The following PJA2 variants were observed in gnomAD, a reference collection of about 807,000 sequenced individuals.
The protein encoded by PJA2 is praja ring finger ubiquitin ligase 2.
A neutral mutation model predicts 69.3 loss-of-function variants in PJA2; 25 were observed. That is an observed-to-expected ratio of 0.36 (90% CI 0.26 to 0.50). The LOEUF (loss-of-function observed/expected upper bound fraction) is 0.50. PJA2 is among the 20% of genes least tolerant of loss of function. The pLI, the probability that PJA2 is intolerant of heterozygous loss-of-function variation, is 0.96. For synonymous variants in PJA2, 308 were observed against 277.8 expected (o/e 1.11, Z -1.08); for missense variants, 809 against 830.2 (o/e 0.97, Z 0.31).
intron 9 of PJA2, among the ~76,000 whole-genome samples, chr5:109,338,605 C>A (rs1761986329): frequency 6.9e-6 from 1 of 144,144 alleles, no homozygotes. Flanking sequence ...CCATTGCACT[C>A]CAGCCTGGGC....
At chr5:109,352,209 T>C (rs1274750854) in intron 7 of PJA2, among the ~76,000 whole-genome samples, 1 of 152,196 alleles carries the variant, frequency 6.6e-6, no homozygotes, top group African/African-American at 2.4e-5. Flanking sequence ...TCACTGCTAG[T>C]GCCTTTACTT....
intron 7 of PJA2, among the ~76,000 whole-genome samples, chr5:109,346,088 T>C (rs1308383348): frequency 6.6e-6 from 1 of 152,212 alleles, no homozygotes; most frequent in African/African-American, 2.4e-5. Context: ...GTCTCTTCCA[T>C]GAGGCCTATG....
chr5:109,397,052 T>C (rs1389600118), intron 1 of PJA2, among the ~76,000 whole-genome samples: 1 of 152,166 alleles, frequency 6.6e-6, no homozygotes. Flanking sequence ...CCCTCATGAA[T>C]GGACTAGTAC....
intron 6 of PJA2, among the ~76,000 whole-genome samples, chr5:109,356,345 T>A (rs1762412708): frequency 6.6e-6 from 1 of 152,188 alleles, no homozygotes; most frequent in Non-Finnish European, 1.5e-5. Context: ...AGGTTGAGCA[T>A]CCCAAATCTG....
intron 1 of PJA2, among the ~76,000 whole-genome samples, chr5:109,388,657 A>G (rs939758361): frequency 9.9e-5 from 15 of 152,188 alleles, no homozygotes; most frequent in Middle Eastern, 3.2e-3. Flanking sequence ...ACTCACTTTT[A>G]AAGTATCTTT....
intron 1 of PJA2, among the ~76,000 whole-genome samples, chr5:109,395,119 C>T (rs575609257): frequency 6.6e-6 from 1 of 152,314 alleles, no homozygotes; most frequent in East Asian, 1.9e-4. Flanking sequence ...ACCTCACTCT[C>T]AACCCAGGTC....
At chr5:109,373,971 C>A (rs1303235282) in intron 4 of PJA2, among the ~76,000 whole-genome samples, 1 of 152,128 alleles carries the variant, frequency 6.6e-6, no homozygotes, top group Non-Finnish European at 1.5e-5. Flanking sequence ...TGGCATTTAT[C>A]ACAGCCACAA....
chr5:109,337,912 ACTTT>A (rs970182372), intron 9 of PJA2, among the ~76,000 whole-genome samples: 4 of 152,212 alleles, frequency 2.6e-5, no homozygotes, highest in Admixed American at 6.5e-5. Flanking sequence ...TGGACTTCAG[ACTTT>A]CTTTCTAAGC....
At chr5:109,385,399 A>T (rs1747134052) in intron 1 of PJA2, among the ~76,000 whole-genome samples, 1 of 152,250 alleles carries the variant, frequency 6.6e-6, no homozygotes, top group Admixed American at 6.5e-5. Context: ...ATATGAAAGA[A>T]GGTCGAGGTT....
chr5:109,344,918 C>G, intron 7 of PJA2, 99 bp from the exon 8 acceptor site: 1 of 713,838 alleles, frequency 1.4e-6, no homozygotes, highest in Non-Finnish European at 2.3e-6. Context: ...CCATTATTCT[C>G]TTTTTGTTAG....
chr5:109,353,298 A>C (rs1248182571), intron 7 of PJA2, among the ~76,000 whole-genome samples: 1 of 140,692 alleles, frequency 7.1e-6, no homozygotes, highest in Non-Finnish European at 1.5e-5. Context: ...TATATATTAG[A>C]TATCTATAAT....
intron 7 of PJA2, among the ~76,000 whole-genome samples, chr5:109,349,358 G>A (rs1330208178): frequency 1.3e-5 from 2 of 152,170 alleles, no homozygotes; most frequent in Admixed American, 6.5e-5. Flanking sequence ...CACTGCTGGA[G>A]GAAAGGGCCT....
rs1274160537 is a variant in PJA2, at chr5:109,378,634, C to A, written c.853G>T (p.Asp285Tyr). ...QERQTEHSPEDAACGPGHICS... is the reference protein window; with the variant it reads ...QERQTEHSPEYAACGPGHICS... ...ATATGCCCTGGACCACAGGCTGCATCTTCAGGTGAATGTTCTGTCTGTCTT... is the reference window on the plus strand; with the variant it reads ...ATATGCCCTGGACCACAGGCTGCATATTCAGGTGAATGTTCTGTCTGTCTT... The change falls in exon 4 of 10, where the codon GAT (aspartate) becomes TAT (tyrosine). Residue 285 changes from aspartate to tyrosine, a missense_variant. Asp to Tyr is a radical substitution (Grantham distance 160). This residue lies in a region of PJA2 where 700 missense variants were observed against 639.5 expected (regional missense o/e 1.09). Transcript: ENST00000361189. 1 of 1,614,146 alleles carries A rather than the reference C, an allele frequency of 6.2e-7. No individual in the cohort carries two copies. Among genetic ancestry groups the A allele is most frequent in the Non-Finnish European group, 8.5e-7 (1 of 1,180,006 alleles).
At chr5:109,385,519 T>G (rs1193910680) in intron 1 of PJA2, among the ~76,000 whole-genome samples, 1 of 152,206 alleles carries the variant, frequency 6.6e-6, no homozygotes, top group Non-Finnish European at 1.5e-5. Flanking sequence ...AGTTCAGTTT[T>G]GGATGAGTTA....
intron 1 of PJA2, among the ~76,000 whole-genome samples, chr5:109,397,252 AC>A (rs1747435549): frequency 6.6e-6 from 1 of 152,222 alleles, no homozygotes; most frequent in Non-Finnish European, 1.5e-5. Flanking sequence ...TTTATAAATT[AC>A]CCAGTCTTAG....
chr5:109,354,079 A>C (rs62643546), intron 7 of PJA2, among the ~76,000 whole-genome samples: 1 of 106,826 alleles, frequency 9.4e-6, no homozygotes, highest in Admixed American at 9.1e-5. Flanking sequence ...ATATCTATAG[A>C]TTAGATATCT....
At position 109,409,948 on chromosome 5, in the gene PJA2, G is replaced by A. The variant is rs906983686; in HGVS notation, c.-194C>T. 5 of 212,036 alleles carry A rather than the reference G, an allele frequency of 2.4e-5. No homozygotes were observed. The highest frequency in any genetic ancestry group is 4.7e-5 in the Non-Finnish European group (5 of 107,454). 13.1% of individuals were successfully genotyped at this position (212,036 alleles called of 1,614,324 possible). On this transcript the variant is annotated 5_prime_UTR_variant, in exon 1 of 10. Coordinates refer to ENST00000361189, the MANE Select transcript of PJA2 (RefSeq NM_014819.5). ...CTCCCCCGCCGAACGCGAAGCGGCT[G>A]GCGGCTGTGGCGGCGGCGGCGGCGG... is the stretch of plus-strand genomic sequence containing the variant.
rs779060725 is a variant in PJA2 at position 109,362,854 on chromosome 5, T to C, written c.1638A>G (p.Leu546=). The change falls in exon 6 of 10, where the codon TTA becomes TTG. Residue 546 remains leucine (L), a synonymous_variant. Coordinates refer to ENST00000361189, the MANE Select transcript of PJA2 (RefSeq NM_014819.5). ...LEDDSSVSED[L]DVDWSLFDGF... ...GTGCTACATACCTCCAATCCACATC[T>C]AAGTCTTCACTCACACTGGAGTCAT... 4 of 1,608,406 alleles carry C rather than the reference T, an allele frequency of 2.5e-6. No individual in the cohort carries two copies. In the Admixed American group the frequency reaches 6.7e-5, roughly 27 times the overall value.
chr5:109,371,566 T>G (rs929227908), intron 4 of PJA2, among the ~76,000 whole-genome samples: 1 of 152,200 alleles, frequency 6.6e-6, no homozygotes, highest in Non-Finnish European at 1.5e-5. Context: ...TTCTCCAAAT[T>G]AGACCTATAT....
Sources: gnomAD v4.1 joint callset for allele counts (sites outside exome capture counted in the v4.1 genomes callset) on GRCh38, gnomAD v4.1.1 for gene constraint, gnomAD v4.1.1 regional missense constraint, MANE v1.5 for transcripts, NCBI Gene and HGNC (gene_info 2026-07-23, HGNC 2026-07-21) for gene names.